Variants in ASB15 observed in about 807,000 individuals in gnomAD.
The protein encoded by ASB15 is ankyrin repeat and SOCS box protein 15.
A neutral mutation model predicts 58.0 loss-of-function variants in ASB15; 54 were observed. That is an observed-to-expected ratio of 0.93 (90% confidence interval 0.75 to 1.17). ASB15 has a LOEUF of 1.17. Among genes scored for constraint, ASB15 ranks in the 50% most tolerant of loss-of-function variants. The pLI is 0.00. For synonymous variants in ASB15, 249 were observed against 262.4 expected (o/e 0.95, Z 0.50); for missense variants, 680 against 707.4 (o/e 0.96, Z 0.44).
intron 3 of ASB15, among the ~76,000 whole-genome samples, chr7:123,610,745 C>T (rs937262661): frequency 1.3e-5 from 2 of 152,150 alleles, no homozygotes; most frequent in Non-Finnish European, 2.9e-5. Context: ...AATATGATTG[C>T]ATCAGTTACT....
chr7:123,634,038 T>C (rs1802281778), intron 11 of ASB15, among the ~76,000 whole-genome samples: 1 of 152,352 alleles, frequency 6.6e-6, no homozygotes, highest in South Asian at 2.1e-4. Flanking sequence ...CTGTTTTTTT[T>C]CCTTCAACTT....
At position 123,639,086 on chromosome 7, in the gene ASB15, T is replaced by C. The variant is rs1802537207; in HGVS notation, c.*2105T>C. On this transcript the variant is annotated 3_prime_UTR_variant, in exon 12 of 12. Transcript: ENST00000451215. ...TTGTAATTATTTAATGCTATTATTC[T>C]TAGATTTTAATAGTGTATTTTTCTT... 1.3e-5 allele frequency: 2 copies of C among 151,796 alleles called. No individual in the cohort carries two copies. The highest frequency in any genetic ancestry group is 4.8e-5 in the African/African-American group (2 of 41,546). 9.4% of individuals were successfully genotyped at this position (151,796 alleles called of 1,614,324 possible). A position where few individuals can be genotyped will look rare whatever the true frequency, so the allele number is the denominator to read the frequency against.
In ASB15 at chr7:123,568,532, A is replaced by G. The variant is rs181745589; in HGVS notation, c.-443+1444A>G. On this transcript the variant is annotated intron_variant, in intron 1 of 13. Transcript: ENST00000451558. Reference sequence around the variant, plus strand: ...GCGAAAGTCCATCTCAAGAAAAAAAAAAAAAAAGAAAATTAAAACCTATGG... The same window carrying G: ...GCGAAAGTCCATCTCAAGAAAAAAAGAAAAAAAGAAAATTAAAACCTATGG... Among the ~76,000 whole-genome samples, 721 of 152,042 alleles carry G rather than the reference A, an allele frequency of 4.7e-3. 2 individuals carry two copies. The highest frequency in any genetic ancestry group is 6.7e-3 in the Non-Finnish European group (454 of 67,982).
At chr7:123,574,193 A>G (rs1261202026) in intron 1 of ASB15, among the ~76,000 whole-genome samples, 2 of 148,762 alleles carry the variant, frequency 1.3e-5, no homozygotes, top group Non-Finnish European at 3.0e-5. Flanking sequence ...ACCAGGTTCC[A>G]TCTCCTTTTT....
At chr7:123,613,457 A>G (rs1800590143) in intron 3 of ASB15, among the ~76,000 whole-genome samples, 1 of 152,248 alleles carries the variant, frequency 6.6e-6, no homozygotes, top group African/African-American at 2.4e-5. Context: ...TCTAAATAAA[A>G]TAAAGCAATT....
chr7:123,610,063 T>C (rs1800358060), intron 3 of ASB15, among the ~76,000 whole-genome samples: 1 of 152,184 alleles, frequency 6.6e-6, no homozygotes, highest in African/African-American at 2.4e-5. Context: ...GAAAAAGATT[T>C]ATGTGTCCCT....
intron 8 of ASB15, chr7:123,625,020 G>C: frequency 1.7e-6 from 1 of 578,484 alleles, no homozygotes; most frequent in Non-Finnish European, 3.0e-6. Context: ...TGTGACCTAC[G>C]AATTTACAAG....
rs116932640 is a variant in ASB15 at position 123,638,305 on chromosome 7, C to T, written c.*1324C>T. The T allele has an allele frequency of 0.021, 3,177 of 152,282 alleles. 47 individuals are homozygous for T. Among genetic ancestry groups the T allele is most frequent in the Non-Finnish European group, 0.033 (2,244 of 68,010 alleles). 9.4% of individuals were successfully genotyped at this position (152,282 alleles called of 1,614,324 possible). On this transcript the variant is annotated 3_prime_UTR_variant, in exon 12 of 12. Coordinates refer to ENST00000451215, the MANE Select transcript of ASB15 (RefSeq NM_001290258.2). ...TTCATGATCTAACTCCTGCCTTCTT[C>T]TTTAGCCTCATCTCTGGATGTCTAC...
At chr7:123,611,292 T>C (rs1800437847) in intron 3 of ASB15, among the ~76,000 whole-genome samples, 1 of 151,908 alleles carries the variant, frequency 6.6e-6, no homozygotes, top group Non-Finnish European at 1.5e-5. Context: ...TTTAGATAAA[T>C]AATTTTTTTT....
chr7:123,571,933 C>T (rs556062122), intron 1 of ASB15, among the ~76,000 whole-genome samples: 115 of 151,930 alleles, frequency 7.6e-4, no homozygotes, highest in African/African-American at 2.8e-3. Flanking sequence ...TCATGCCCAG[C>T]TAGTTTTTTT....
chr7:123,605,752 C>T (rs1027512098), intron 2 of ASB15, among the ~76,000 whole-genome samples: 1 of 152,016 alleles, frequency 6.6e-6, no homozygotes, highest in Non-Finnish European at 1.5e-5. Flanking sequence ...GAACAGAAAA[C>T]CAAATACCCC....
At chr7:123,570,709 G>C (rs1215415625) in intron 1 of ASB15, among the ~76,000 whole-genome samples, 2 of 140,920 alleles carry the variant, frequency 1.4e-5, no homozygotes, top group East Asian at 4.2e-4. Context: ...ACCACTGCAA[G>C]GGAGCTATCA....
At chr7:123,581,844 G>C (rs1316283282) in intron 1 of ASB15, among the ~76,000 whole-genome samples, 2 of 151,916 alleles carry the variant, frequency 1.3e-5, no homozygotes, top group Admixed American at 6.6e-5. Flanking sequence ...TTGAGGAAAA[G>C]ACATGAAACT....
rs142921493 is a variant in ASB15, at chr7:123,616,441, T to C, written c.238T>C (p.Leu80=). ...AGCTGATGAAAAAGGATGGTTTCCATTGCATGAAGCTGTTGTTCAACCCAT... is the reference window on the plus strand; with the variant it reads ...AGCTGATGAAAAAGGATGGTTTCCACTGCATGAAGCTGTTGTTCAACCCAT... The part of the protein sequence containing the change: ...DEADEKGWFP[L]HEAVVQPIQQ... The change falls in exon 6 of 12, where the codon TTG becomes CTG. Residue 80 remains leucine (L), a synonymous_variant. Transcript: ENST00000451215. 7.1e-5 allele frequency: 115 copies of C among 1,611,580 alleles called. No homozygotes were observed. The African/African-American group carries it at 1.3e-3, about 18-fold the overall frequency.
intron 1 of ASB15, among the ~76,000 whole-genome samples, chr7:123,595,421 C>A (rs887822063): frequency 6.6e-6 from 1 of 152,146 alleles, no homozygotes; most frequent in South Asian, 2.1e-4. Context: ...CTTTCTGTGT[C>A]GGGTTATTCT....
At chr7:123,568,627 G>A (rs1470118904) in intron 1 of ASB15, among the ~76,000 whole-genome samples, 2 of 152,006 alleles carry the variant, frequency 1.3e-5, no homozygotes, top group African/African-American at 4.8e-5. Flanking sequence ...CTCCACTTCT[G>A]TATGGGAAAT....
intron 1 of ASB15, among the ~76,000 whole-genome samples, chr7:123,595,458 T>C (rs1799667217): frequency 6.6e-6 from 1 of 152,220 alleles, no homozygotes. Context: ...CACAGATGTG[T>C]TCCCTCTCAG....
chr7:123,575,624 C>T (rs541537457), intron 1 of ASB15, among the ~76,000 whole-genome samples: 6 of 152,028 alleles, frequency 3.9e-5, no homozygotes, highest in African/African-American at 1.2e-4. Context: ...TTACCCAAGC[C>T]ATTATTGTTT....
chr7:123,617,489 C>T (rs749424198), intron 6 of ASB15, 90 bp from the exon 7 acceptor site: 79 of 1,137,840 alleles, frequency 6.9e-5, no homozygotes, highest in African/African-American at 3.7e-4. Flanking sequence ...TTGTTCAATC[C>T]GATGTATATA....
Sources: allele counts gnomAD v4.1 joint callset (sites outside exome capture counted in the v4.1 genomes callset), GRCh38; gene constraint gnomAD v4.1.1; transcripts MANE v1.5; gene names NCBI Gene and HGNC (gene_info 2026-07-23, HGNC 2026-07-21).